The following SNX5 variants were observed in gnomAD, a reference collection of about 807,000 sequenced individuals.
SNX5 encodes the protein sorting nexin-5.
Under a neutral mutation model 53.9 loss-of-function variants are expected in SNX5, and 31 were observed. The ratio of observed to expected loss-of-function variants is 0.58; its 90% CI spans 0.43 to 0.78. The LOEUF is 0.78. Ranked by LOEUF, SNX5 falls within the 30% of genes least tolerant of loss-of-function variation. SNX5 has a pLI of 0.00. For missense variants in SNX5, 471 were observed against 478.8 expected (o/e 0.98, Z 0.15); for synonymous variants, 168 against 171.1 (o/e 0.98, Z 0.14).
chr20:17,954,249 C>G (rs2035316195), intron 3 of SNX5, 132 bp from the exon 4 acceptor site: 2 of 1,434,108 alleles, frequency 1.4e-6, no homozygotes, highest in Non-Finnish European at 1.8e-6. Context: ...AAAGTCAACT[C>G]CTGTTTTTTC....
At chr20:17,944,226 G>C (rs1334966482) in intron 11 of SNX5, 1 of 152,144 alleles carries the variant, frequency 6.6e-6, no homozygotes, top group African/African-American at 2.4e-5. Context: ...TGGGTAGAAG[G>C]CTGCAGCTAA....
In SNX5 at chr20:17,960,542, C is replaced by T. The variant is rs145148944; in HGVS notation, c.52-3505G>A. ...CCAGGAGGCAGAGGTTGCAGTGAGC[C>T]GACATCACGCGACTGCACTCCAGCC... On this transcript the variant is annotated intron_variant, in intron 1 of 12. Transcript: ENST00000377759. Among the ~76,000 whole-genome samples, 1,458 of 152,052 alleles carry T rather than the reference C, an allele frequency of 9.6e-3. 17 individuals are homozygous for T. The highest frequency in any genetic ancestry group is 0.033 in the African/African-American group (1,373 of 41,478).
intron 2 of SNX5, among the ~76,000 whole-genome samples, chr20:17,956,419 T>C (rs1483426956): frequency 2.0e-5 from 3 of 152,052 alleles, no homozygotes; most frequent in Non-Finnish European, 4.4e-5. Flanking sequence ...TTCCCTTGGA[T>C]GCAAATTAAA....
At chr20:17,957,189 A>C in intron 1 of SNX5, 152 bp from the exon 2 acceptor site, 1 of 628,968 alleles carries the variant, frequency 1.6e-6, no homozygotes, top group South Asian at 1.8e-5. Context: ...TAATCCCAGC[A>C]CTTTGGGAGG....
At chr20:17,962,434 A>G (rs1600353892) in intron 1 of SNX5, among the ~76,000 whole-genome samples, 1 of 151,508 alleles carries the variant, frequency 6.6e-6, no homozygotes, top group Non-Finnish European at 1.5e-5. Flanking sequence ...CTAACTCCTG[A>G]CCTCGTGATC....
At chr20:17,964,741 C>G (rs947581761) in intron 1 of SNX5, among the ~76,000 whole-genome samples, 11 of 152,146 alleles carry the variant, frequency 7.2e-5, no homozygotes, top group Non-Finnish European at 1.2e-4. Flanking sequence ...GGGTACTAAC[C>G]TATAGATCTG....
At chr20:17,948,202 G>A (rs1278298765) in intron 10 of SNX5, among the ~76,000 whole-genome samples, 1 of 152,212 alleles carries the variant, frequency 6.6e-6, no homozygotes, top group Non-Finnish European at 1.5e-5. Flanking sequence ...AATAATAACT[G>A]ATGGGTGAAA....
chr20:17,963,289 G>A (rs62208133), intron 1 of SNX5, among the ~76,000 whole-genome samples: 19,144 of 152,024 alleles, frequency 0.13, 1,311 homozygotes, highest in Middle Eastern at 0.19. Context: ...AGACAAGCCT[G>A]GGCAACACAG....
rs371601931 is a variant in SNX5, at chr20:17,947,567, T to A, written c.997A>T (p.Ser333Cys). ...NKALDKARLK[S>C]KDVKLAEAHQ... The stretch of plus-strand genomic sequence containing the variant: ...GCCTCAGCCAACTTGACGTCTTTGC[T>A]CTTTAACCGGGCCTTATCCAGAGCT... The change falls in exon 11 of 13, where the codon AGC (serine) becomes TGC (cysteine). Residue 333 changes from serine (S) to cysteine (C), a missense_variant. Coordinates refer to ENST00000377759, the MANE Select transcript of SNX5 (RefSeq NM_014426.4). 1.6e-5 allele frequency: 26 copies of A among 1,613,880 alleles called. No individual in the cohort carries two copies. The highest frequency in any genetic ancestry group is 2.1e-5 in the Non-Finnish European group (25 of 1,179,864).
Position 17,968,648 on chromosome 20 carries a change from TC to T in SNX5, c.-224del. On this transcript the variant is annotated 5_prime_UTR_variant, in exon 1 of 13. Transcript: ENST00000377759. Reference sequence around the variant, plus strand: ...GTGCTCCCCCAGAGCAGCCTCCCAGTCCCCGCTGCCGTCCATCTTGGAGCCG... The same window carrying T: ...GTGCTCCCCCAGAGCAGCCTCCCAGTCCCGCTGCCGTCCATCTTGGAGCCG... 1.6e-6 allele frequency: 1 copy of T among 608,866 alleles called. No homozygotes were observed. Among genetic ancestry groups the T allele is most frequent in the Non-Finnish European group, 3.0e-6 (1 of 335,546 alleles). The allele number at this position is 608,866 out of a possible 1,614,324, so 37.7% of individuals were successfully genotyped here.
chr20:17,959,776 C>T (rs1312221834), intron 1 of SNX5, among the ~76,000 whole-genome samples: 2 of 152,212 alleles, frequency 1.3e-5, no homozygotes, highest in African/African-American at 4.8e-5. Context: ...TGTACTCTCA[C>T]TCGGGAAGCA....
chr20:17,965,307 TA>T (rs1367498163), intron 1 of SNX5, among the ~76,000 whole-genome samples: 2 of 152,206 alleles, frequency 1.3e-5, no homozygotes, highest in African/African-American at 4.8e-5. Flanking sequence ...GTGATCAGGC[TA>T]AAATGTCAAC....
At chr20:17,957,176 C>G (rs1205183657) in intron 1 of SNX5, 139 bp from the exon 2 acceptor site, 3 of 641,830 alleles carry the variant, frequency 4.7e-6, no homozygotes, top group Non-Finnish European at 8.5e-6. Context: ...CGGCTCACCC[C>G]TGTAATCCCA....
chr20:17,961,964 G>C (rs2035460050), intron 1 of SNX5: 7 of 977,676 alleles, frequency 7.2e-6, no homozygotes, highest in Non-Finnish European at 8.5e-6. Context: ...TTGTATTAAT[G>C]TCCACAAATA....
intron 1 of SNX5, chr20:17,962,621 T>TTCGGGGGAGGGGGGAGGGATAAAA (rs1268019208): frequency 1.1e-4 from 53 of 461,240 alleles, no homozygotes; most frequent in East Asian, 2.8e-4. Context: ...TAAAGACTTC[T>TTCGGGGGAGGGGGGAGGGATAAAA]AACAGAAGAT....
At position 17,956,993 on chromosome 20, in the gene SNX5, C is replaced by G; in HGVS notation, c.96G>C (p.Gln32His). The G allele has an allele frequency of 6.2e-7, 1 of 1,610,772 alleles. No homozygotes were observed. Among genetic ancestry groups the G allele is most frequent in the Non-Finnish European group, 8.5e-7 (1 of 1,177,068 alleles). ...CACTGAGCGCATCAGGTATGTCAATCTGAAGCGAGGGATCAACATTCAGGT... is the reference window on the plus strand; with the variant it reads ...CACTGAGCGCATCAGGTATGTCAATGTGAAGCGAGGGATCAACATTCAGGT... Reference protein sequence around the residue: ...SVDLNVDPSLQIDIPDALSER... With the variant: ...SVDLNVDPSLHIDIPDALSER... Residue 32 changes from glutamine to histidine, a missense_variant, in exon 2 of 13, where the codon CAG (glutamine) becomes CAC (histidine). Gln to His is a conservative substitution (Grantham distance 24). Coordinates refer to ENST00000377759, the MANE Select transcript of SNX5 (RefSeq NM_014426.4).
At chr20:17,966,366 CAG>C (rs2035536689) in intron 1 of SNX5, among the ~76,000 whole-genome samples, 1 of 145,734 alleles carries the variant, frequency 6.9e-6, no homozygotes, top group Admixed American at 6.9e-5. Context: ...GCCTGGACGA[CAG>C]AGCGAGACTC....
chr20:17,959,215 G>C (rs963206677), intron 1 of SNX5, among the ~76,000 whole-genome samples: 1 of 152,236 alleles, frequency 6.6e-6, no homozygotes, highest in Non-Finnish European at 1.5e-5. Flanking sequence ...AGTAAATGGA[G>C]CTCATTTGTG....
chr20:17,953,334 G>A (rs1049129001), intron 4 of SNX5, among the ~76,000 whole-genome samples: 2 of 152,222 alleles, frequency 1.3e-5, no homozygotes, highest in Non-Finnish European at 2.9e-5. Context: ...ATGAGGAAAT[G>A]CAAGGATGGA....
Sources: allele counts gnomAD v4.1 joint callset (sites outside exome capture counted in the v4.1 genomes callset), GRCh38; gene constraint gnomAD v4.1.1; transcripts MANE v1.5; gene names NCBI Gene and HGNC (gene_info 2026-07-23, HGNC 2026-07-21).